Variants in PRDM5 observed in about 807,000 individuals in gnomAD.
PRDM5 encodes the protein PR domain zinc finger protein 5.
A neutral mutation model predicts 81.2 loss-of-function variants in PRDM5; 56 were observed. The ratio of observed to expected loss-of-function variants is 0.69; its 90% CI spans 0.56 to 0.86. PRDM5 has a LOEUF of 0.86. Ranked by LOEUF, PRDM5 falls within the 40% of genes least tolerant of loss-of-function variation. The pLI, the probability that PRDM5 is intolerant of heterozygous loss-of-function variation, is 0.00. For missense variants in PRDM5, 697 were observed against 770.1 expected, an observed-to-expected ratio of 0.91 and a Z score of 1.12; for synonymous variants, 267 against 256.4, an observed-to-expected ratio of 1.04 and a Z score of -0.39.
At position 120,816,930 on chromosome 4, in the gene PRDM5, G is replaced by C; in HGVS notation, c.651-6C>G. ...TCGCTGTGCACTGAAGAACACTAAA[G>C]GGAAATAGGAAAAAGAGAAAGAAAA... On this transcript the variant is annotated splice_region_variant and splice_polypyrimidine_tract_variant and intron_variant, in intron 5 of 15. Coordinates refer to ENST00000264808, the MANE Select transcript of PRDM5 (RefSeq NM_018699.4). 6.2e-7 allele frequency: 1 copy of C among 1,605,254 alleles called. No homozygotes were observed. The highest frequency in any genetic ancestry group is 8.5e-7 in the Non-Finnish European group (1 of 1,172,100).
At chr4:120,907,388 T>A in intron 2 of PRDM5, 86 bp downstream of exon 2, 3 of 1,025,452 alleles carry the variant, frequency 2.9e-6, no homozygotes, top group Non-Finnish European at 4.5e-6. Flanking sequence ...TTAACTGGAA[T>A]CAATATCAAT....
chr4:120,799,919 ATAAGT>A lies in PRDM5; in HGVS notation c.946-179_946-175del, dbSNP rs1751883684. 2.6e-5 allele frequency among the ~76,000 whole-genome samples: 4 copies of A among 152,352 alleles called. No individual in the cohort carries two copies. The South Asian group carries it at 8.3e-4, about 32-fold the overall frequency. On this transcript the variant is annotated intron_variant, in intron 8 of 15. Coordinates refer to ENST00000264808, the MANE Select transcript of PRDM5 (RefSeq NM_018699.4). ...TATATACACTGAAAATGCAGTGGACATAAGTTATGTAGTAAAAAATATCTTTTGAG... is the reference window on the plus strand; with the variant it reads ...TATATACACTGAAAATGCAGTGGACATATGTAGTAAAAAATATCTTTTGAG...
In PRDM5 at chr4:120,804,354, T is replaced by G. The variant is rs1042422302; in HGVS notation, c.946-4609A>C. Among the ~76,000 whole-genome samples, 3 of 151,790 alleles carry G rather than the reference T, an allele frequency of 2.0e-5. No homozygotes were observed. The East Asian group carries it at 5.8e-4, about 29-fold the overall frequency. On this transcript the variant is annotated intron_variant, in intron 8 of 15. Transcript: ENST00000264808. ...TCAGCTCTGCACCAAGCAGACCTAA[T>G]AGACATCTACAGAACTCTCCACCCC... is the stretch of plus-strand genomic sequence containing the variant.
At chr4:120,791,016 CT>C (rs1207528637) in intron 10 of PRDM5, among the ~76,000 whole-genome samples, 2 of 152,126 alleles carry the variant, frequency 1.3e-5, no homozygotes, top group Non-Finnish European at 2.9e-5. Context: ...ATGAGAATCA[CT>C]TTTTAATTCT....
chr4:120,922,122 A>T (rs971779577), intron 1 of PRDM5, among the ~76,000 whole-genome samples: 1 of 152,190 alleles, frequency 6.6e-6, no homozygotes, highest in African/African-American at 2.4e-5. Flanking sequence ...GCGGGGGAAA[A>T]CACCCGCCCA....
At chr4:120,839,187 G>T (rs895622936) in intron 3 of PRDM5, 1 of 699,484 alleles carries the variant, frequency 1.4e-6, no homozygotes. Context: ...CTCTTCACTC[G>T]CAATGTGGCA....
chr4:120,688,581 T>C (rs915650631), downstream of PRDM5, among the ~76,000 whole-genome samples: 3 of 152,134 alleles, frequency 2.0e-5, no homozygotes, highest in Admixed American at 6.6e-5. Context: ...TTTTCCCCCA[T>C]ATTTCTTTCT....
intron 2 of PRDM5, among the ~76,000 whole-genome samples, chr4:120,864,324 A>C (rs772798903): frequency 3.9e-5 from 6 of 152,266 alleles, no homozygotes; most frequent in Non-Finnish European, 5.9e-5. Context: ...GGCCTTGAAC[A>C]TAAAGTTGAT....
At chr4:120,781,410 C>G (rs1749018438) in intron 11 of PRDM5, 107 bp from the exon 12 acceptor site, 4 of 976,672 alleles carry the variant, frequency 4.1e-6, no homozygotes, top group East Asian at 2.6e-5. Flanking sequence ...CTTTGTAGCT[C>G]TAAGAATGTT....
intron 2 of PRDM5, among the ~76,000 whole-genome samples, chr4:120,863,187 T>TACACACACAC (rs1561528878): frequency 7.5e-5 from 3 of 40,144 alleles, no homozygotes; most frequent in East Asian, 4.8e-4. Flanking sequence ...TATATATATA[T>TACACACACAC]ATATACACAC....
At chr4:120,821,477 C>A in intron 3 of PRDM5, 132 bp from the exon 4 acceptor site, 1 of 856,342 alleles carries the variant, frequency 1.2e-6, no homozygotes, top group East Asian at 2.7e-5. Context: ...TCTAGTTGAT[C>A]TGGGTGCTGA....
At chr4:120,743,349 G>A (rs1456567996) in intron 14 of PRDM5, among the ~76,000 whole-genome samples, 1 of 151,822 alleles carries the variant, frequency 6.6e-6, no homozygotes, top group Non-Finnish European at 1.5e-5. Context: ...AGACCATTGA[G>A]ACTAGGAAGA....
At chr4:120,883,880 GCTT>G (rs1024472669) in intron 2 of PRDM5, among the ~76,000 whole-genome samples, 13 of 152,110 alleles carry the variant, frequency 8.5e-5, no homozygotes, top group Non-Finnish European at 5.9e-5. Context: ...AGGGTACAGG[GCTT>G]CTTTTTGGAG....
chr4:120,900,470 T>C (rs139361860), intron 2 of PRDM5, among the ~76,000 whole-genome samples: 72 of 152,330 alleles, frequency 4.7e-4, no homozygotes, highest in African/African-American at 1.6e-3. Context: ...ATTAATAAAG[T>C]AGATATTTTA....
intron 2 of PRDM5, among the ~76,000 whole-genome samples, chr4:120,884,552 C>T (rs2148596624): frequency 6.6e-6 from 1 of 152,272 alleles, no homozygotes; most frequent in East Asian, 1.9e-4. Context: ...GCTTACCAGG[C>T]TTTAAGCTTT....
chr4:120,852,504 C>A (rs1759384824), intron 3 of PRDM5, among the ~76,000 whole-genome samples: 1 of 152,094 alleles, frequency 6.6e-6, no homozygotes, highest in Non-Finnish European at 1.5e-5. Flanking sequence ...GGAACGCTAG[C>A]TCTTCTTGCC....
intron 14 of PRDM5, among the ~76,000 whole-genome samples, chr4:120,710,812 C>A (rs970672486): frequency 6.6e-6 from 1 of 152,156 alleles, no homozygotes; most frequent in African/African-American, 2.4e-5. Context: ...CTCTCCCCAG[C>A]CATGCAGAAC....
At chr4:120,878,448 T>C (rs79727561) in intron 2 of PRDM5, among the ~76,000 whole-genome samples, 9,468 of 152,222 alleles carry the variant, frequency 0.062, 384 homozygotes, top group East Asian at 0.15. Context: ...TAAAATTTTC[T>C]AAAACTAAAA....
chr4:120,814,485 G>A (rs1311497720), intron 7 of PRDM5, among the ~76,000 whole-genome samples: 2 of 152,164 alleles, frequency 1.3e-5, no homozygotes, highest in Non-Finnish European at 2.9e-5. Flanking sequence ...AGCTAAGTAT[G>A]CTTCTAGGAG....
Sources: allele counts gnomAD v4.1 joint callset (sites outside exome capture counted in the v4.1 genomes callset), GRCh38; gene constraint gnomAD v4.1.1; transcripts MANE v1.5; gene names NCBI Gene and HGNC (gene_info 2026-07-23, HGNC 2026-07-21).